The following DNAH3 variants were observed in gnomAD, a reference collection of about 807,000 sequenced individuals.
The protein encoded by DNAH3 is dynein axonemal heavy chain 3.
A neutral mutation model predicts 432.5 loss-of-function variants in DNAH3; 332 were observed. The ratio of observed to expected loss-of-function variants is 0.77; its 90% CI spans 0.70 to 0.84. The LOEUF (loss-of-function observed/expected upper bound fraction) is 0.84, where lower values mean the gene tolerates loss of function less well. Ranked by LOEUF, DNAH3 falls within the 40% of genes least tolerant of loss-of-function variation. The probability of loss-of-function intolerance (pLI) is 0.00; values close to 1 mark genes in which losing one functional copy is unlikely to be tolerated. For missense variants in DNAH3, 4,861 were observed against 5,114.0 expected (o/e 0.95, Z 1.51); for synonymous variants, 1,956 against 1,900.2 (o/e 1.03, Z -0.76).
In DNAH3 at chr16:20,938,425, CAT is replaced by C. The variant is rs1313088798; in HGVS notation, c.11655-1574_11655-1573del. ...AAAAAAAAGGAATGTAAAATTCAGA[CAT>C]GTGTTTGCTAAGCAGTCAAGGGTAA... is the stretch of plus-strand genomic sequence containing the variant. On this transcript the variant is annotated intron_variant, in intron 59 of 61. Transcript: ENST00000261383. Among the ~76,000 whole-genome samples the C allele has an allele frequency of 4.6e-5, 7 of 151,132 alleles. No homozygotes were observed. In the South Asian group the frequency reaches 6.3e-4, roughly 14 times the overall value.
chr16:21,125,388 T>C lies in DNAH3; in HGVS notation c.1209-18A>G, dbSNP rs1400951336. On this transcript the variant is annotated intron_variant, in intron 8 of 61. Coordinates refer to ENST00000261383, the Ensembl canonical transcript of DNAH3. ...GGATCCACCTGTAAAGACAGAAGGGTGTCCATGTGAGAAGCTCTTCTGGGC... is the reference window on the plus strand; with the variant it reads ...GGATCCACCTGTAAAGACAGAAGGGCGTCCATGTGAGAAGCTCTTCTGGGC... The C allele has an allele frequency of 6.4e-7, 1 of 1,557,856 alleles. No individual in the cohort carries two copies. The highest frequency in any genetic ancestry group is 2.3e-5 in the East Asian group (1 of 43,316).
chr16:20,977,204 C>T (rs2085633479), intron 50 of DNAH3, among the ~76,000 whole-genome samples: 1 of 152,100 alleles, frequency 6.6e-6, no homozygotes, highest in Non-Finnish European at 1.5e-5. Context: ...TGGAGAAACC[C>T]TGTCCCTACT....
chr16:21,138,900 T>G (rs993211639), intron 5 of DNAH3, among the ~76,000 whole-genome samples: 1 of 152,054 alleles, frequency 6.6e-6, no homozygotes, highest in South Asian at 2.1e-4. Flanking sequence ...CCTAAGCACA[T>G]TGCTTAAACA....
At chr16:21,048,718 T>A (rs998764586) in intron 31 of DNAH3, among the ~76,000 whole-genome samples, 63 of 151,504 alleles carry the variant, frequency 4.2e-4, no homozygotes, top group African/African-American at 1.5e-3. Flanking sequence ...TTTTTTTTTT[T>A]AAACAGAGTT....
At chr16:21,016,279 T>C (rs548257649) in intron 41 of DNAH3, among the ~76,000 whole-genome samples, 24 of 152,264 alleles carry the variant, frequency 1.6e-4, no homozygotes, top group African/African-American at 5.3e-4. Flanking sequence ...CAGAATATTG[T>C]TAATGATAGT....
At chr16:21,141,322 T>C (rs369209883) in exon 4 of DNAH3, 1 of 1,591,580 alleles carries the variant, frequency 6.3e-7, no homozygotes, top group East Asian at 2.3e-5. Context: ...TCTTTGTTTC[T>C]GGAGGAAAAC....
chr16:20,944,497 T>C, exon 58 of DNAH3: 1 of 1,614,054 alleles, frequency 6.2e-7, no homozygotes, highest in Non-Finnish European at 8.5e-7. Flanking sequence ...CCCAGTTACC[T>C]GAGGGGACTT....
At position 21,063,977 on chromosome 16, in the gene DNAH3, T is replaced by C. The variant is rs370866498; in HGVS notation, c.3519-1294A>G. Among the ~76,000 whole-genome samples the C allele has an allele frequency of 5.9e-5, 9 of 152,328 alleles. No individual in the cohort carries two copies. The East Asian group carries it at 1.3e-3, about 23-fold the overall frequency. Reference sequence around the variant, plus strand: ...GACCATCAGGCTGAAAGTTCTATGATGGAGGGATTGTGTGATTATGGTCTT... The same window carrying C: ...GACCATCAGGCTGAAAGTTCTATGACGGAGGGATTGTGTGATTATGGTCTT... On this transcript the variant is annotated intron_variant, in intron 24 of 61. Coordinates refer to ENST00000261383, the Ensembl canonical transcript of DNAH3.
chr16:21,033,031 A>G (rs1241776435), intron 36 of DNAH3, among the ~76,000 whole-genome samples: 1 of 152,080 alleles, frequency 6.6e-6, no homozygotes, highest in African/African-American at 2.4e-5. Flanking sequence ...GCAGTGCGCA[A>G]TCATAGCTCA....
Position 20,979,319 on chromosome 16 carries a change from G to A in DNAH3, c.8076+11C>T, listed in dbSNP as rs748712779. 6.2e-7 allele frequency: 1 copy of A among 1,613,138 alleles called. No homozygotes were observed. Among genetic ancestry groups the A allele is most frequent in the South Asian group, 1.1e-5 (1 of 91,016 alleles). ...GCCTCTTTGTCTCTGTTCTGTTTTG[G>A]CAGTGCTCACCTGAGAAGCTGCAAA... On this transcript the variant is annotated intron_variant, in intron 50 of 61. Transcript: ENST00000261383.
At chr16:21,031,397 AG>A (rs2088864722) in intron 36 of DNAH3, 111 bp from the exon 37 acceptor site, 3 of 1,353,146 alleles carry the variant, frequency 2.2e-6, no homozygotes, top group Admixed American at 2.3e-5. Flanking sequence ...ATGCCATATG[AG>A]GGAAGTCCTT....
intron 31 of DNAH3, among the ~76,000 whole-genome samples, chr16:21,045,221 A>G (rs1311438160): frequency 2.6e-5 from 4 of 151,322 alleles, no homozygotes; most frequent in South Asian, 2.1e-4. Context: ...CTCTTTTTCT[A>G]TTGATTGGAA....
chr16:20,984,629 G>T (rs999744691), intron 48 of DNAH3, among the ~76,000 whole-genome samples: 2 of 152,128 alleles, frequency 1.3e-5, no homozygotes, highest in Non-Finnish European at 2.9e-5. Flanking sequence ...CAGCACTTCG[G>T]GAGGCCGAGG....
intron 61 of DNAH3, among the ~76,000 whole-genome samples, chr16:20,934,333 T>C (rs1241404129): frequency 1.3e-5 from 2 of 152,208 alleles, no homozygotes; most frequent in African/African-American, 4.8e-5. Flanking sequence ...CAACTTACAA[T>C]GGGGTTATGT....
chr16:21,022,483 T>C (rs540989973), intron 39 of DNAH3, among the ~76,000 whole-genome samples: 10 of 152,340 alleles, frequency 6.6e-5, no homozygotes, highest in Non-Finnish European at 1.3e-4. Context: ...ATGACTGTTA[T>C]GTTAGACACT....
intron 48 of DNAH3, among the ~76,000 whole-genome samples, chr16:20,983,887 C>T (rs1480114609): frequency 6.6e-6 from 1 of 151,902 alleles, no homozygotes; most frequent in Non-Finnish European, 1.5e-5. Context: ...ATTAGCTGGG[C>T]ATCGTGGTGT....
At chr16:21,158,786 C>T (rs2092921419) in intron 1 of DNAH3, 1 of 154,292 alleles carries the variant, frequency 6.5e-6, no homozygotes, top group Non-Finnish European at 1.4e-5. Flanking sequence ...CCGGGTGCCC[C>T]GGGTGGCTAG....
At chr16:21,028,410 C>G (rs1011740955) in intron 37 of DNAH3, among the ~76,000 whole-genome samples, 1 of 150,632 alleles carries the variant, frequency 6.6e-6, no homozygotes, top group East Asian at 2.0e-4. Context: ...GATCCCAGCA[C>G]AGCACTTTGG....
At chr16:21,119,235 G>A (rs1332816562) in intron 11 of DNAH3, among the ~76,000 whole-genome samples, 1 of 152,202 alleles carries the variant, frequency 6.6e-6, no homozygotes, top group Non-Finnish European at 1.5e-5. Context: ...CGTCTCATGG[G>A]AAGAAGTCTT....
Sources: allele counts gnomAD v4.1 joint callset (sites outside exome capture counted in the v4.1 genomes callset), GRCh38; gene constraint gnomAD v4.1.1; transcripts MANE v1.5; gene names NCBI Gene and HGNC (gene_info 2026-07-23, HGNC 2026-07-21).